Variants in NEXMIF observed in about 807,000 individuals in gnomAD.
The protein encoded by NEXMIF is neurite extension and migration factor.
Under a neutral mutation model 62.1 loss-of-function variants are expected in NEXMIF, and 8 were observed. The observed-to-expected ratio is 0.13, with a 90% CI of 0.08 to 0.23. The LOEUF (loss-of-function observed/expected upper bound fraction) is 0.23, where lower values mean the gene tolerates loss of function less well. NEXMIF is among the 10% of genes least tolerant of loss of function. The pLI, the probability that NEXMIF is intolerant of heterozygous loss-of-function variation, is 1.00. For missense variants in NEXMIF, 976 were observed against 1,113.3 expected (o/e 0.88, Z 1.75); for synonymous variants, 404 against 416.6 (o/e 0.97, Z 0.37).
intron 1 of NEXMIF, among the ~76,000 whole-genome samples, chrX:74,830,800 T>C (rs2147483846): frequency 8.9e-6 from 1 of 112,139 alleles, no homozygotes; most frequent in Admixed American, 9.5e-5. Context: ...AGGTATTTGA[T>C]TTTATTGGTG....
At position 74,846,749 on chromosome X, in the gene NEXMIF, C is replaced by T. The variant is rs1283058922; in HGVS notation, c.-48+78134G>A. 2.7e-5 allele frequency among the ~76,000 whole-genome samples: 3 copies of T among 112,013 alleles called. No individual in the cohort carries two copies. In the East Asian group the frequency reaches 8.4e-4, roughly 31 times the overall value. On this transcript the variant is annotated intron_variant, in intron 1 of 3. Coordinates refer to ENST00000055682, the MANE Select transcript of NEXMIF (RefSeq NM_001008537.3). ...TATCTATCATGTATTTTACTATGTT[C>T]TATGTGCTATATTGGGCACATACCC...
At chrX:74,886,686 G>T (rs1163888717) in intron 1 of NEXMIF, among the ~76,000 whole-genome samples, 2 of 110,614 alleles carry the variant, frequency 1.8e-5, no homozygotes, top group Non-Finnish European at 3.8e-5. Flanking sequence ...CATGCTCATG[G>T]GTAGGAAGAA....
At chrX:74,756,461 C>T (rs1434588596) in intron 1 of NEXMIF, among the ~76,000 whole-genome samples, 1 of 110,843 alleles carries the variant, frequency 9.0e-6, no homozygotes, top group Non-Finnish European at 1.9e-5. Context: ...CCATGTCCCC[C>T]CACCCCCATT....
intron 1 of NEXMIF, among the ~76,000 whole-genome samples, chrX:74,894,148 AT>A (rs761653785): frequency 2.8e-5 from 3 of 107,839 alleles, no homozygotes; most frequent in Non-Finnish European, 5.7e-5. Context: ...AAAAAAAAAA[AT>A]ATATCTGGGC....
At chrX:74,903,138 T>C (rs1037436239) in intron 1 of NEXMIF, among the ~76,000 whole-genome samples, 1 of 111,582 alleles carries the variant, frequency 9.0e-6, no homozygotes, top group Non-Finnish European at 1.9e-5. Flanking sequence ...GAGCACCCTA[T>C]GGCCTAGCAA....
chrX:74,757,002 C>A (rs969038195), intron 1 of NEXMIF, among the ~76,000 whole-genome samples: 7 of 111,742 alleles, frequency 6.3e-5, no homozygotes, highest in African/African-American at 2.3e-4. Flanking sequence ...CGAAACAGGT[C>A]CTGGAGAGGG....
rs1299944842 is a variant in NEXMIF at position 74,817,173 on chromosome X, T to C, written c.-47-71476A>G. Among the ~76,000 whole-genome samples, 3 of 111,981 alleles carry C rather than the reference T, an allele frequency of 2.7e-5. No homozygotes were observed. The East Asian group carries it at 8.4e-4, about 31-fold the overall frequency. ...TGAAATGAATAATTAGTATTGGAAA[T>C]AGCAAGCTAAACAGAAATTCAATTC... is the stretch of plus-strand genomic sequence containing the variant. On this transcript the variant is annotated intron_variant, in intron 1 of 3. Transcript: ENST00000055682.
chrX:74,779,848 C>T (rs2080240696), intron 1 of NEXMIF, among the ~76,000 whole-genome samples: 1 of 111,799 alleles, frequency 8.9e-6, no homozygotes, highest in Non-Finnish European at 1.9e-5. Context: ...CATCTACCAC[C>T]ATACCCTGCC....
At chrX:74,843,539 C>T (rs1466087871) in intron 1 of NEXMIF, among the ~76,000 whole-genome samples, 2 of 110,333 alleles carry the variant, frequency 1.8e-5, no homozygotes, top group Admixed American at 9.6e-5. Context: ...CTCAGCCTCC[C>T]GAGTAGCTGG....
At chrX:74,853,136 T>C (rs1195812636) in intron 1 of NEXMIF, among the ~76,000 whole-genome samples, 2 of 109,952 alleles carry the variant, frequency 1.8e-5, no homozygotes, top group African/African-American at 6.6e-5. Context: ...AAGGAGTGGA[T>C]TTAGGAGCGG....
intron 1 of NEXMIF, among the ~76,000 whole-genome samples, chrX:74,911,901 T>C (rs2080791523): frequency 8.9e-6 from 1 of 112,117 alleles, no homozygotes; most frequent in Non-Finnish European, 1.9e-5. Context: ...AGGTATTCCT[T>C]TTCCCTTGCC....
intron 1 of NEXMIF, among the ~76,000 whole-genome samples, chrX:74,771,053 T>C (rs2080208589): frequency 8.9e-6 from 1 of 112,256 alleles, no homozygotes; most frequent in Non-Finnish European, 1.9e-5. Flanking sequence ...CTGCATACTC[T>C]ATACCTTTAT....
chrX:74,823,508 T>C (rs1355937956), intron 1 of NEXMIF, among the ~76,000 whole-genome samples: 1 of 111,966 alleles, frequency 8.9e-6, no homozygotes, highest in Non-Finnish European at 1.9e-5. Flanking sequence ...CTTTTCATTT[T>C]CTATAAAAAC....
At chrX:74,877,952 C>T (rs1003460865) in intron 1 of NEXMIF, among the ~76,000 whole-genome samples, 4 of 112,025 alleles carry the variant, frequency 3.6e-5, no homozygotes, top group African/African-American at 9.7e-5. Context: ...TCCCCTGGCT[C>T]GGAGTAATTT....
At chrX:74,849,923 C>T (rs776653812) in intron 1 of NEXMIF, among the ~76,000 whole-genome samples, 53 of 111,930 alleles carry the variant, frequency 4.7e-4, no homozygotes, top group Non-Finnish European at 7.5e-4. Flanking sequence ...CAACCTTGCA[C>T]GCTCCAACAG....
chrX:74,885,783 C>T (rs1441833540), intron 1 of NEXMIF, among the ~76,000 whole-genome samples: 11 of 111,373 alleles, frequency 9.9e-5, no homozygotes, highest in Non-Finnish European at 1.9e-4. Context: ...AGGGAATCCT[C>T]CCTAACTCAT....
chrX:74,834,180 G>A (rs923621312), intron 1 of NEXMIF, among the ~76,000 whole-genome samples: 1 of 108,012 alleles, frequency 9.3e-6, no homozygotes, highest in Admixed American at 9.9e-5. Flanking sequence ...ACTAATAAAA[G>A]TTCTACGCTT....
In NEXMIF at chrX:74,740,464, T is replaced by G; in HGVS notation, c.4093A>C (p.Lys1365Gln). 1 of 1,211,445 alleles carries G rather than the reference T, an allele frequency of 8.3e-7. No homozygotes were observed. Among genetic ancestry groups the G allele is most frequent in the Non-Finnish European group, 1.1e-6 (1 of 895,417 alleles). The change falls in exon 3 of 4, where the codon AAA becomes CAA. Residue 1365 changes from lysine to glutamine, a missense_variant. Lys to Gln is a moderately conservative substitution (Grantham distance 53). Coordinates refer to ENST00000055682, the MANE Select transcript of NEXMIF (RefSeq NM_001008537.3). The part of the protein sequence containing the change: ...YSPESNSLKL[K>Q]TLKILAGTPQ... ...GTCCCAGCCAATATTTTGAGGGTTT[T>G]TAATTTTAGACTATTGGACTCAGGG...
At position 74,835,050 on chromosome X, in the gene NEXMIF, T is replaced by C. The variant is rs779304254; in HGVS notation, c.-47-89353A>G. On this transcript the variant is annotated intron_variant, in intron 1 of 3. Transcript: ENST00000055682. ...TCAAATAGTCTGTCTTCAAGCTCAC[T>C]AATTCTTTCTTGTGCTCGATCAGTT... is the stretch of plus-strand genomic sequence containing the variant. 1.6e-3 allele frequency among the ~76,000 whole-genome samples: 174 copies of C among 112,178 alleles called. 1 individual carries two copies. Among genetic ancestry groups the C allele is most frequent in the Non-Finnish European group, 6.0e-4 (32 of 53,265 alleles).
Sources: gnomAD v4.1 joint callset for allele counts (sites outside exome capture counted in the v4.1 genomes callset) on GRCh38, gnomAD v4.1.1 for gene constraint, MANE v1.5 for transcripts, NCBI Gene and HGNC (gene_info 2026-07-23, HGNC 2026-07-21) for gene names.